The following GASK1A variants were observed in gnomAD, a reference collection of about 807,000 sequenced individuals.
GASK1A encodes Golgi-associated kinase 1A.
GASK1A carries 40 observed loss-of-function variants against 41.2 expected under a neutral mutation model. The ratio of observed to expected loss-of-function variants is 0.97; its 90% confidence interval spans 0.75 to 1.27. The LOEUF (loss-of-function observed/expected upper bound fraction) is 1.27. Ranked by LOEUF, GASK1A falls within the 50% of genes most tolerant of loss-of-function variation. The pLI, the probability that GASK1A is intolerant of heterozygous loss-of-function variation, is 0.00. For synonymous variants in GASK1A, 316 were observed against 307.1 expected, an observed-to-expected ratio of 1.03 and a Z score of -0.30; for missense variants, 678 against 745.1, an observed-to-expected ratio of 0.91 and a Z score of 1.05.
intron 1 of GASK1A, among the ~76,000 whole-genome samples, chr3:43,014,921 G>A (rs927131670): frequency 6.6e-6 from 1 of 151,810 alleles, no homozygotes; most frequent in Non-Finnish European, 1.5e-5. Flanking sequence ...CTGGGAATGG[G>A]CAGTGTGAAG....
Position 43,032,778 on chromosome 3 carries a change from G to T in GASK1A, c.515G>T (p.Ser172Ile), listed in dbSNP as rs1383312684. 1.9e-6 allele frequency: 3 copies of T among 1,551,040 alleles called. No individual in the cohort carries two copies. The highest frequency in any genetic ancestry group is 2.6e-6 in the Non-Finnish European group (3 of 1,147,002). ...CAGAGTGAGGTGGTCACCCTGGTCA[G>T]TCCACTCCCAGGGAGTGACATGGCA... ...ETQSEVVTLVSPLPGSDMAAL... is the reference protein window; with the variant it reads ...ETQSEVVTLVIPLPGSDMAAL... Residue 172 changes from serine (S) to isoleucine (I), a missense_variant, in exon 2 of 5, where the codon AGT becomes ATT. By Grantham distance (142) the Ser-to-Ile change is moderately radical. Transcript: ENST00000430121.
chr3:42,998,835 G>A (rs972066277), intron 1 of GASK1A, among the ~76,000 whole-genome samples: 3 of 152,160 alleles, frequency 2.0e-5, no homozygotes, highest in Non-Finnish European at 4.4e-5. Flanking sequence ...TTGTTCCTCC[G>A]TGGCTACTAG....
chr3:42,990,066 T>G (rs1483219956), intron 1 of GASK1A, among the ~76,000 whole-genome samples: 4 of 152,058 alleles, frequency 2.6e-5, no homozygotes, highest in African/African-American at 4.8e-5. Flanking sequence ...TGGTGGCTCA[T>G]GCTTGTAATT....
intron 2 of GASK1A, among the ~76,000 whole-genome samples, chr3:43,034,310 C>G (rs2089594307): frequency 1.3e-5 from 2 of 152,172 alleles, no homozygotes; most frequent in Non-Finnish European, 2.9e-5. Context: ...GGAGTTAACC[C>G]TGGAGTTGCT....
chr3:43,000,595 C>T (rs2089403652), intron 1 of GASK1A, among the ~76,000 whole-genome samples: 1 of 152,234 alleles, frequency 6.6e-6, no homozygotes, highest in Non-Finnish European at 1.5e-5. Context: ...ATTCCCTTGG[C>T]CGACATTGCA....
chr3:42,992,700 A>G (rs773383328), intron 1 of GASK1A, among the ~76,000 whole-genome samples: 3 of 152,172 alleles, frequency 2.0e-5, no homozygotes, highest in Non-Finnish European at 4.4e-5. Context: ...GGGGAAAGGG[A>G]CGCCTAGTTC....
intron 1 of GASK1A, among the ~76,000 whole-genome samples, chr3:42,993,094 A>G (rs1216735693): frequency 6.6e-6 from 1 of 152,266 alleles, no homozygotes; most frequent in Admixed American, 6.5e-5. Flanking sequence ...GCTAGGTTAC[A>G]GTTCATCCAC....
chr3:43,010,684 C>T (rs961469793), intron 1 of GASK1A, among the ~76,000 whole-genome samples: 1 of 152,236 alleles, frequency 6.6e-6, no homozygotes, highest in Non-Finnish European at 1.5e-5. Context: ...ACTTCCTCCC[C>T]ACACCCATCC....
At chr3:43,009,891 T>C (rs2089454988) in intron 1 of GASK1A, among the ~76,000 whole-genome samples, 1 of 152,246 alleles carries the variant, frequency 6.6e-6, no homozygotes, top group Admixed American at 6.5e-5. Flanking sequence ...CATTACCTTT[T>C]CACTTGAGAC....
chr3:43,040,351 G>T (rs2089630115), intron 2 of GASK1A, among the ~76,000 whole-genome samples: 1 of 152,040 alleles, frequency 6.6e-6, no homozygotes, highest in Admixed American at 6.6e-5. Flanking sequence ...CTATTTATAT[G>T]CCAGAGTCAC....
In GASK1A at chr3:43,056,852, T is replaced by C. The variant is rs2089718835; in HGVS notation, c.*466T>C. 1 of 152,536 alleles carries C rather than the reference T, an allele frequency of 6.6e-6. No homozygotes were observed. Among genetic ancestry groups the C allele is most frequent in the East Asian group, 1.9e-4 (1 of 5,206 alleles). The allele number at this position is 152,536 out of a possible 1,614,324, so 9.4% of individuals were successfully genotyped here. A position where few individuals can be genotyped will look rare whatever the true frequency, so the allele number is the denominator to read the frequency against. ...CTCAGGCTTAAGAAATGAAACATAA[T>C]GCGTTTGTCTTTATAGACTTTAAAT... is the stretch of plus-strand genomic sequence containing the variant. On this transcript the variant is annotated 3_prime_UTR_variant, in exon 5 of 5. Transcript: ENST00000430121.
intron 1 of GASK1A, among the ~76,000 whole-genome samples, chr3:42,981,508 G>C (rs2089282894): frequency 6.6e-6 from 1 of 152,196 alleles, no homozygotes; most frequent in Non-Finnish European, 1.5e-5. Context: ...CTCAATTCTA[G>C]TGTTGAGCTG....
chr3:43,013,651 A>G (rs1236305335), intron 1 of GASK1A, among the ~76,000 whole-genome samples: 3 of 151,182 alleles, frequency 2.0e-5, no homozygotes, highest in Non-Finnish European at 4.4e-5. Context: ...TGAGGCCACC[A>G]GAATGTGCAG....
At chr3:43,004,785 T>C (rs773321436) in intron 1 of GASK1A, among the ~76,000 whole-genome samples, 19 of 152,236 alleles carry the variant, frequency 1.2e-4, no homozygotes, top group Non-Finnish European at 2.2e-4. Context: ...TACTCACAGA[T>C]GTATTAGCTT....
Position 42,984,886 on chromosome 3 carries a change from A to G in GASK1A, c.3+5241A>G. Among the ~76,000 whole-genome samples, 1 of 152,150 alleles carries G rather than the reference A, an allele frequency of 6.6e-6. No homozygotes were observed. ...GTTGAGCTAGCACCATCACAGGCAG[A>G]GCTAGGTTGTAAGGTCATCGTTGTC... is the stretch of plus-strand genomic sequence containing the variant. On this transcript the variant is annotated intron_variant, in intron 1 of 4. Transcript: ENST00000430121. This position sits in a 1 kb window ranked among gnomAD's most constrained non-coding sequence, Gnocchi z 4.2.
At chr3:43,011,732 A>G (rs1000905228) in intron 1 of GASK1A, among the ~76,000 whole-genome samples, 1 of 150,514 alleles carries the variant, frequency 6.6e-6, no homozygotes, top group African/African-American at 2.4e-5. Flanking sequence ...GCTACGTGAC[A>G]TCACAGGAAG....
At chr3:43,017,343 GGAAGTCACGGGAAGGGGCAGTGT>G (rs2089497500) in intron 1 of GASK1A, among the ~76,000 whole-genome samples, 1 of 140,958 alleles carries the variant, frequency 7.1e-6, no homozygotes, top group Non-Finnish European at 1.5e-5. Flanking sequence ...AGGGGCAGTG[GGAAGTCACGGGAAGGGGCAGTGT>G]GAAGTCATAG....
intron 2 of GASK1A, among the ~76,000 whole-genome samples, chr3:43,049,602 G>GA (rs996381636): frequency 6.6e-6 from 1 of 151,778 alleles, no homozygotes; most frequent in Non-Finnish European, 1.5e-5. Flanking sequence ...GGCTAAACTT[G>GA]TTTTTTTTAC....
intron 2 of GASK1A, among the ~76,000 whole-genome samples, chr3:43,048,699 G>A (rs2089675084): frequency 6.6e-6 from 1 of 152,152 alleles, no homozygotes; most frequent in South Asian, 2.1e-4. Flanking sequence ...TGCTCCTGGA[G>A]GCATTTATTT....
Sources: gnomAD v4.1 joint callset for allele counts (sites outside exome capture counted in the v4.1 genomes callset) on GRCh38, gnomAD v4.1.1 for gene constraint, Gnocchi (gnomAD v3.1) non-coding constraint, MANE v1.5 for transcripts, NCBI Gene and HGNC (gene_info 2026-07-23, HGNC 2026-07-21) for gene names.